Variants in GSTM3 observed in about 807,000 individuals in gnomAD.
The protein encoded by GSTM3 is GST class-mu 3.
A neutral mutation model predicts 36.1 loss-of-function variants in GSTM3; 34 were observed. The ratio of observed to expected loss-of-function variants is 0.94; its 90% CI spans 0.72 to 1.25. The LOEUF (loss-of-function observed/expected upper bound fraction) is 1.25, where lower values mean the gene tolerates loss of function less well. Ranked by LOEUF, GSTM3 falls within the 50% of genes most tolerant of loss-of-function variation. The probability of loss-of-function intolerance (pLI) is 0.00; values close to 1 mark genes in which losing one functional copy is unlikely to be tolerated. For synonymous variants in GSTM3, 102 were observed against 99.5 expected, an observed-to-expected ratio of 1.03 and a Z score of -0.15; for missense variants, 266 against 281.6, an observed-to-expected ratio of 0.94 and a Z score of 0.40.
chr1:109,736,867 T>G lies in GSTM3; in HGVS notation c.*204A>C. ...ACAGCCCTTGAACTCAGTTGGGGAG[T>G]AGGGAAATGCCAGTATCGCAGCGAT... On this transcript the variant is annotated 3_prime_UTR_variant, in exon 9 of 9. Coordinates refer to ENST00000361066, the MANE Select transcript of GSTM3 (RefSeq NM_000849.5). 1.9e-6 allele frequency: 1 copy of G among 530,754 alleles called. No individual in the cohort carries two copies. The highest frequency in any genetic ancestry group is 3.4e-6 in the Non-Finnish European group (1 of 296,240). 32.9% of individuals were successfully genotyped at this position (530,754 alleles called of 1,614,324 possible). A position where few individuals can be genotyped will look rare whatever the true frequency, so the allele number is the denominator to read the frequency against.
chr1:109,737,595 G>A (rs1328235566), intron 7 of GSTM3, 28 bp from the exon 8 acceptor site: 27 of 1,537,430 alleles, frequency 1.8e-5, no homozygotes, highest in Non-Finnish European at 2.2e-5. Context: ...AGATGCTTAG[G>A]TCTGAGGAGT....
rs755461981 is a variant in GSTM3, at chr1:109,738,145, G to A, written c.318C>T (p.Asn106=). 3 of 1,613,906 alleles carry A rather than the reference G, an allele frequency of 1.9e-6. No homozygotes were observed. The highest frequency in any genetic ancestry group is 2.2e-5 in the East Asian group (1 of 44,888). The change falls in exon 6 of 9, where the codon AAC becomes AAT. Residue 106 remains asparagine (N), a synonymous_variant. Coordinates refer to ENST00000361066, the MANE Select transcript of GSTM3 (RefSeq NM_000849.5). The part of the protein sequence containing the change: ...EEKIRVDIIE[N]QVMDFRTQLI... The stretch of plus-strand genomic sequence containing the variant: ...GTTGTGTGCGGAAATCCATTACTTG[G>A]TTCTCTATGATGTCCACTCGAATCT...
In GSTM3 at chr1:109,736,892, T is replaced by C. The variant is rs771907132; in HGVS notation, c.*179A>G. 1.2e-4 allele frequency: 69 copies of C among 574,080 alleles called. No individual in the cohort carries two copies. Among genetic ancestry groups the C allele is most frequent in the Non-Finnish European group, 1.7e-4 (54 of 320,602 alleles). 35.6% of individuals were successfully genotyped at this position (574,080 alleles called of 1,614,324 possible). A position where few individuals can be genotyped will look rare whatever the true frequency, so the allele number is the denominator to read the frequency against. The stretch of plus-strand genomic sequence containing the variant: ...TAGGGAAATGCCAGTATCGCAGCGA[T>C]TCAATTCATATCTTGATGATTCTCC... On this transcript the variant is annotated 3_prime_UTR_variant, in exon 9 of 9. Coordinates refer to ENST00000361066, the MANE Select transcript of GSTM3 (RefSeq NM_000849.5).
chr1:109,737,753 T>A lies in GSTM3; in HGVS notation c.373-2A>T. The stretch of plus-strand genomic sequence containing the variant: ...CAAGTACTGAGGCTTCAGTTTTTCC[T>A]GAGAGGAAAAAACAGAATGAGAATA... On this transcript the variant is annotated splice_acceptor_variant, in intron 6 of 8. Transcript: ENST00000361066. LOFTEE classifies it high-confidence loss of function. 1 of 1,552,406 alleles carries A rather than the reference T, an allele frequency of 6.4e-7. No individual in the cohort carries two copies. Among genetic ancestry groups the A allele is most frequent in the Non-Finnish European group, 8.8e-7 (1 of 1,134,350 alleles).
At chr1:109,738,421 CCT>C (rs1649273374) in intron 4 of GSTM3, 55 bp from the exon 5 acceptor site, 6 of 1,118,970 alleles carry the variant, frequency 5.4e-6, no homozygotes, top group Non-Finnish European at 8.2e-6. Flanking sequence ...TGATTCCCTA[CCT>C]CTCTCTCCAG....
chr1:109,740,046 C>T (rs1326783767), intron 2 of GSTM3, 138 bp from the exon 3 acceptor site: 13 of 883,658 alleles, frequency 1.5e-5, no homozygotes, highest in Non-Finnish European at 2.3e-5. Context: ...GGCCCGGCTC[C>T]GGCGTGGTCT....
chr1:109,739,958 C>T (rs751345649), intron 2 of GSTM3, 50 bp from the exon 3 acceptor site: 135 of 1,382,378 alleles, frequency 9.8e-5, no homozygotes, highest in Non-Finnish European at 1.3e-4. Context: ...CCATTCCCAA[C>T]CCCCGCCCGC....
chr1:109,735,637 T>TAG lies in GSTM3; in HGVS notation c.*1433_*1434insCT, dbSNP rs1451969156. ...TTAGTATATGTCTCTTTGAATGTTT[T>TAG]TTTTTTTTTTTTTTTTTTTTTTTTG... On this transcript the variant is annotated 3_prime_UTR_variant, in exon 9 of 9. Coordinates refer to ENST00000361066, the MANE Select transcript of GSTM3 (RefSeq NM_000849.5). 69 of 130,630 alleles carry TAG rather than the reference T, an allele frequency of 5.3e-4. 6 individuals carry two copies. The highest frequency in any genetic ancestry group is 7.6e-4 in the Non-Finnish European group (46 of 60,622). The allele number at this position is 130,630 out of a possible 1,614,324, so 8.1% of individuals were successfully genotyped here. A position where few individuals can be genotyped will look rare whatever the true frequency, so the allele number is the denominator to read the frequency against.
Position 109,737,443 on chromosome 1 carries a change from G to A in GSTM3, c.579+14C>T, listed in dbSNP as rs944369804. The A allele has an allele frequency of 1.3e-6, 2 of 1,491,206 alleles. No homozygotes were observed. The highest frequency in any genetic ancestry group is 1.7e-5 in the Admixed American group (1 of 59,838). 92.4% of individuals were successfully genotyped at this position (1,491,206 alleles called of 1,614,324 possible). On this transcript the variant is annotated intron_variant, in intron 8 of 8. Coordinates refer to ENST00000361066, the MANE Select transcript of GSTM3 (RefSeq NM_000849.5). ...GTGAGTGTTTTTATAAGAGAAAGGT[G>A]CAGGAAACGTCACCTCAAAACGGCA...
At chr1:109,738,417 C>T in intron 4 of GSTM3, 51 bp from the exon 5 acceptor site, 1 of 1,150,594 alleles carries the variant, frequency 8.7e-7, no homozygotes, top group East Asian at 2.3e-5. Context: ...CTCTTGATTC[C>T]CTACCTCTCT....
At chr1:109,740,577 AT>A (rs1411145991) in intron 1 of GSTM3, 66 bp from the exon 2 acceptor site, 1 of 480,048 alleles carries the variant, frequency 2.1e-6, no homozygotes, top group Non-Finnish European at 3.7e-6. Context: ...GCCAGACTTC[AT>A]TCATTAATGG....
rs867458315 is a variant in GSTM3, at chr1:109,737,983, A to G, written c.372+108T>C. ...TCTGTTTCTTATTCTAACAATCTGG[A>G]TTGGTGGGAAGGTAGCAGCAGCAGA... On this transcript the variant is annotated intron_variant, in intron 6 of 8. Coordinates refer to ENST00000361066, the MANE Select transcript of GSTM3 (RefSeq NM_000849.5). The G allele has an allele frequency of 6.0e-5, 46 of 771,658 alleles. No homozygotes were observed. In the African/African-American group the frequency reaches 6.2e-4, roughly 10 times the overall value. The allele number at this position is 771,658 out of a possible 1,614,324, so 47.8% of individuals were successfully genotyped here.
intron 4 of GSTM3, 129 bp from the exon 5 acceptor site, chr1:109,738,495 A>G: frequency 1.5e-6 from 1 of 648,998 alleles, no homozygotes; most frequent in Non-Finnish European, 2.7e-6. Flanking sequence ...AGGAGAAAAA[A>G]GAAAATAAGT....
At chr1:109,738,024 C>A in intron 6 of GSTM3, 67 bp downstream of exon 6, 1 of 978,126 alleles carries the variant, frequency 1.0e-6, no homozygotes, top group South Asian at 1.3e-5. Context: ...ACAGAGATAA[C>A]CCTTGGGTTC....
In GSTM3 at chr1:109,737,542, T is replaced by C. The variant is rs1649237936; in HGVS notation, c.494A>G (p.Tyr165Cys). The C allele has an allele frequency of 1.2e-6, 2 of 1,613,132 alleles. No homozygotes were observed. Among genetic ancestry groups the C allele is most frequent in the African/African-American group, 2.7e-5 (2 of 75,002 alleles). ...TATACGGTTCTGATCCAAGATATCA[T>C]AGGTGAGAAAATCCACAAAGGTGAG... ...EKLTFVDFLT[Y>C]DILDQNRIFD... Residue 165 changes from tyrosine (Y) to cysteine (C), a missense_variant, in exon 8 of 9, where the codon TAT (tyrosine) becomes TGT (cysteine). Coordinates refer to ENST00000361066, the MANE Select transcript of GSTM3 (RefSeq NM_000849.5).
At position 109,737,661 on chromosome 1, in the gene GSTM3, C is replaced by T. The variant is rs1649244099; in HGVS notation, c.463G>A (p.Glu155Lys). ...FLGKFSWFAGEKLTFVDFLTY... is the reference protein window; with the variant it reads ...FLGKFSWFAGKKLTFVDFLTY... ...TTCTTTTCCCTTCTTCCTACCTTTT[C>T]CCCGGCAAACCATGAGAATTTCCCC... Residue 155 changes from glutamate (E) to lysine (K), a missense_variant, in exon 7 of 9, where the codon GAA (glutamate) becomes AAA (lysine). Glu to Lys is a moderately conservative substitution (Grantham distance 56). Transcript: ENST00000361066. The T allele has an allele frequency of 2.5e-6, 4 of 1,603,946 alleles. No individual in the cohort carries two copies. The highest frequency in any genetic ancestry group is 3.4e-6 in the Non-Finnish European group (4 of 1,172,134).
rs200803518 is a variant in GSTM3, at chr1:109,738,165, G to T, written c.298C>A (p.Arg100=). The change falls in exon 6 of 9, where the codon CGA becomes AGA. Residue 100 remains arginine, a synonymous_variant. Coordinates refer to ENST00000361066, the MANE Select transcript of GSTM3 (RefSeq NM_000849.5). ...MCGETEEEKI[R]VDIIENQVMD... ...ACTTGGTTCTCTATGATGTCCACTC[G>T]AATCTTTTCTTCTTCAGTCTCACCA... The T allele has an allele frequency of 5.0e-6, 8 of 1,613,334 alleles. No homozygotes were observed. In the Admixed American group the frequency reaches 1.3e-4, roughly 27 times the overall value.
intron 3 of GSTM3, 124 bp from the exon 4 acceptor site, chr1:109,739,617 T>C: frequency 1.3e-6 from 1 of 771,196 alleles, no homozygotes; most frequent in Non-Finnish European, 2.2e-6. Context: ...GCATAACCAT[T>C]GAGCCTCTGA....
chr1:109,738,617 A>C (rs901386929), intron 4 of GSTM3, among the ~76,000 whole-genome samples: 3 of 152,230 alleles, frequency 2.0e-5, no homozygotes, highest in Non-Finnish European at 4.4e-5. Context: ...AAGTTGTTAA[A>C]TGCATGAAGC....
Sources: gnomAD v4.1 joint callset for allele counts (sites outside exome capture counted in the v4.1 genomes callset) on GRCh38, gnomAD v4.1.1 for gene constraint, MANE v1.5 for transcripts, NCBI Gene and HGNC (gene_info 2026-07-23, HGNC 2026-07-21) for gene names.